IL17RD: variants seen among roughly 807,000 people sequenced by gnomAD.
IL17RD encodes the protein interleukin 17 receptor D.
IL17RD carries 52 observed loss-of-function variants against 80.5 expected under a neutral mutation model. That is an observed-to-expected ratio of 0.65 (90% CI 0.52 to 0.81). The LOEUF (loss-of-function observed/expected upper bound fraction) is 0.81, where lower values mean the gene tolerates loss of function less well. Ranked by LOEUF, IL17RD falls within the 40% of genes least tolerant of loss-of-function variation. IL17RD has a pLI of 0.00. For missense variants in IL17RD, 1,024 were observed against 955.1 expected (o/e 1.07, Z -0.95); for synonymous variants, 416 against 391.8 (o/e 1.06, Z -0.73).
chr3:57,120,463 A>G, intron 1 of IL17RD, 150 bp from the exon 2 acceptor site: 1 of 647,890 alleles, frequency 1.5e-6, no homozygotes, highest in Non-Finnish European at 2.8e-6. Context: ...TGCCCGCTTC[A>G]TGGCCCCCCA....
chr3:57,120,192 T>C, intron 2 of IL17RD, 64 bp downstream of exon 2: 1 of 1,286,610 alleles, frequency 7.8e-7, no homozygotes, highest in Non-Finnish European at 1.1e-6. Flanking sequence ...TGATTAAGCA[T>C]GGCTATGTAA....
rs752624428 is a variant in IL17RD, at chr3:57,120,245, C to T, written c.184+11G>A. On this transcript the variant is annotated intron_variant, in intron 2 of 12. Transcript: ENST00000296318. Reference sequence around the variant, plus strand: ...GGGCTCCATTCTTCAGCAATAAAGGCGGTTACTTACTGTCATATTTGAAGG... The same window carrying T: ...GGGCTCCATTCTTCAGCAATAAAGGTGGTTACTTACTGTCATATTTGAAGG... The T allele has an allele frequency of 1.9e-5, 30 of 1,601,844 alleles. No homozygotes were observed. The Middle Eastern group carries it at 9.9e-4, about 53-fold the overall frequency.
chr3:57,131,021 T>G (rs774774560), intron 1 of IL17RD, among the ~76,000 whole-genome samples: 3 of 152,214 alleles, frequency 2.0e-5, no homozygotes, highest in Non-Finnish European at 4.4e-5. Context: ...TCTGACTTCC[T>G]GTGCACAACG....
At chr3:57,160,152 C>T (rs1320424941) in intron 1 of IL17RD, among the ~76,000 whole-genome samples, 1 of 151,828 alleles carries the variant, frequency 6.6e-6, no homozygotes, top group Non-Finnish European at 1.5e-5. Context: ...AGCCTGGGCT[C>T]CAGAGCGAAA....
At chr3:57,170,128 C>G (rs890346056), upstream of IL17RD, 3 of 152,398 alleles carry the variant, frequency 2.0e-5, no homozygotes, top group African/African-American at 7.2e-5. Context: ...CCTGCACAGC[C>G]CAGAGACCCA....
At chr3:57,102,142 C>T (rs1234179441) in intron 10 of IL17RD, among the ~76,000 whole-genome samples, 1 of 152,108 alleles carries the variant, frequency 6.6e-6, no homozygotes, top group Non-Finnish European at 1.5e-5. Flanking sequence ...GTGGTGCATG[C>T]CTGTAGTCCC....
chr3:57,096,334 G>C lies in IL17RD; in HGVS notation c.*59C>G. The C allele has an allele frequency of 8.8e-7, 1 of 1,139,596 alleles. No homozygotes were observed. Among genetic ancestry groups the C allele is most frequent in the Non-Finnish European group, 1.3e-6 (1 of 746,456 alleles). 70.6% of individuals were successfully genotyped at this position (1,139,596 alleles called of 1,614,324 possible). On this transcript the variant is annotated 3_prime_UTR_variant, in exon 13 of 13. Transcript: ENST00000296318. ...GTGGGCCATGCAACCAGGGAGATGA[G>C]CTGGGGAATCAGAGGGAGGCAGCAG...
At chr3:57,125,844 G>T (rs1707448867) in intron 1 of IL17RD, among the ~76,000 whole-genome samples, 1 of 152,208 alleles carries the variant, frequency 6.6e-6, no homozygotes, top group Non-Finnish European at 1.5e-5. Context: ...GAGGAGGACA[G>T]CCCTCAAAAC....
At chr3:57,103,361 T>G (rs1706881354) in intron 8 of IL17RD, among the ~76,000 whole-genome samples, 1 of 152,222 alleles carries the variant, frequency 6.6e-6, no homozygotes, top group African/African-American at 2.4e-5. Context: ...CTCGAAACTC[T>G]AAGTTCATCA....
At chr3:57,169,282 C>T (rs747340439), upstream of IL17RD, 1 of 516,628 alleles carries the variant, frequency 1.9e-6, no homozygotes, top group Non-Finnish European at 3.9e-6. Flanking sequence ...AGCCACTCCT[C>T]GTGGTGAGAG....
In IL17RD at chr3:57,098,246, C is replaced by A. The variant is rs1271455445; in HGVS notation, c.1457G>T (p.Gly486Val). 1.2e-6 allele frequency: 2 copies of A among 1,613,898 alleles called. No homozygotes were observed. The highest frequency in any genetic ancestry group is 2.2e-5 in the South Asian group (2 of 91,076). Reference sequence around the variant, plus strand: ...CAGGTCTAGGATACCGGGGACGTCTCCCTCGCAGGAATAATCAAAGTAGAC... The same window carrying A: ...CAGGTCTAGGATACCGGGGACGTCTACCTCGCAGGAATAATCAAAGTAGAC... ...IAVYFDYSCE[G>V]DVPGILDLST... Residue 486 changes from glycine to valine, a missense_variant, in exon 12 of 13, where the codon GGA becomes GTA. By Grantham distance (109) the Gly-to-Val change is moderately radical (BLOSUM62 -3). Transcript: ENST00000296318.
intron 1 of IL17RD, among the ~76,000 whole-genome samples, chr3:57,149,485 C>T (rs187665806): frequency 1.4e-4 from 22 of 152,302 alleles, no homozygotes; most frequent in Non-Finnish European, 3.1e-4. Flanking sequence ...TAAAGTACCA[C>T]GGTGTGCATC....
At chr3:57,140,164 G>A (rs1489784928) in intron 1 of IL17RD, among the ~76,000 whole-genome samples, 1 of 152,178 alleles carries the variant, frequency 6.6e-6, no homozygotes, top group East Asian at 1.9e-4. Context: ...TTATGGAGAA[G>A]AACACAGAGA....
At chr3:57,149,164 C>T (rs1037678039) in intron 1 of IL17RD, among the ~76,000 whole-genome samples, 4 of 152,050 alleles carry the variant, frequency 2.6e-5, no homozygotes, top group African/African-American at 9.7e-5. Context: ...GGTGTGGTGG[C>T]ACTTGTCTGT....
intron 1 of IL17RD, among the ~76,000 whole-genome samples, chr3:57,146,906 A>G (rs947736895): frequency 4.0e-5 from 5 of 126,514 alleles, no homozygotes; most frequent in African/African-American, 1.9e-4. Context: ...CAACCTATCT[A>G]TGCCTCCTGG....
At chr3:57,134,408 G>A (rs1251467340) in intron 1 of IL17RD, 7 of 721,098 alleles carry the variant, frequency 9.7e-6, no homozygotes, top group Non-Finnish European at 1.8e-5. Context: ...AAATGCCAGG[G>A]AACGTAACTT....
chr3:57,135,385 A>G (rs1579300354), intron 1 of IL17RD, among the ~76,000 whole-genome samples: 1 of 152,236 alleles, frequency 6.6e-6, no homozygotes, highest in African/African-American at 2.4e-5. Flanking sequence ...GGGATGCTCA[A>G]TGATTCTCAG....
chr3:57,098,128 C>A lies in IL17RD; in HGVS notation c.1575G>T (p.Thr525=), dbSNP rs373484847. Residue 525 remains threonine, a synonymous_variant, in exon 12 of 13, where the codon ACG becomes ACT. Coordinates refer to ENST00000296318, the MANE Select transcript of IL17RD (RefSeq NM_017563.5). The part of the protein sequence containing the change: ...DHGLQEPGQH[T]RQGSRRNYFR... ...AGTAGTTCCTTCTGCTGCCCTGTCG[C>A]GTGTGCTGCCCCGGCTCCTGGAGGC... 4 of 1,613,942 alleles carry A rather than the reference C, an allele frequency of 2.5e-6. No individual in the cohort carries two copies. The highest frequency in any genetic ancestry group is 1.7e-4 in the Middle Eastern group (1 of 6,060).
At chr3:57,120,703 C>A (rs1462486693) in intron 1 of IL17RD, among the ~76,000 whole-genome samples, 5 of 152,198 alleles carry the variant, frequency 3.3e-5, no homozygotes, top group African/African-American at 1.2e-4. Context: ...ACTCCAGACG[C>A]CCTCATCCGC....
Sources: allele counts gnomAD v4.1 joint callset (sites outside exome capture counted in the v4.1 genomes callset), GRCh38; gene constraint gnomAD v4.1.1; transcripts MANE v1.5; gene names NCBI Gene and HGNC (gene_info 2026-07-23, HGNC 2026-07-21).